The following KIAA1549L variants were observed in gnomAD, a reference collection of about 807,000 sequenced individuals.
KIAA1549L encodes the protein KIAA1549 like, also known as UPF0606 protein KIAA1549L.
In KIAA1549L, 88 loss-of-function variants were observed where a neutral mutation model predicts 160.7. The observed-to-expected ratio is 0.55, with a 90% confidence interval of 0.46 to 0.65. The LOEUF (loss-of-function observed/expected upper bound fraction) is 0.65, where lower values mean the gene tolerates loss of function less well. Ranked by LOEUF, KIAA1549L falls within the 30% of genes least tolerant of loss-of-function variation. The pLI is 0.00. For synonymous variants in KIAA1549L, 950 were observed against 976.7 expected, an observed-to-expected ratio of 0.97 and a Z score of 0.51; for missense variants, 2,258 against 2,437.5, an observed-to-expected ratio of 0.93 and a Z score of 1.55.
chr11:33,467,023 A>G (rs957404293), intron 1 of KIAA1549L, among the ~76,000 whole-genome samples: 1 of 152,158 alleles, frequency 6.6e-6, no homozygotes. Context: ...AATGTAAATG[A>G]TGAGTTGATG....
intron 11 of KIAA1549L, among the ~76,000 whole-genome samples, chr11:33,588,389 T>C (rs10768008): frequency 0.3 from 44,893 of 152,014 alleles, 7,136 homozygotes; most frequent in African/African-American, 0.41. Context: ...TTGAATGCCT[T>C]GCCAAAGCAT....
At chr11:33,639,322 T>G (rs1257264276) in intron 16 of KIAA1549L, among the ~76,000 whole-genome samples, 1 of 152,138 alleles carries the variant, frequency 6.6e-6, no homozygotes, top group Non-Finnish European at 1.5e-5. Flanking sequence ...TCCAGGTGCT[T>G]CCTCTATCCA....
intron 1 of KIAA1549L, among the ~76,000 whole-genome samples, chr11:33,420,044 A>G (rs1850973421): frequency 6.6e-6 from 1 of 152,210 alleles, no homozygotes; most frequent in East Asian, 1.9e-4. Context: ...TTTAGATTAT[A>G]TTGTACACTG....
chr11:33,427,801 T>C (rs2761201), intron 1 of KIAA1549L, among the ~76,000 whole-genome samples: 61,662 of 152,068 alleles, frequency 0.41, 13,207 homozygotes, highest in African/African-American at 0.56. Context: ...TCCCCTGCAG[T>C]GTTTGGCAAC....
chr11:33,377,732 G>A (rs1018375745), intron 1 of KIAA1549L, among the ~76,000 whole-genome samples: 2 of 152,200 alleles, frequency 1.3e-5, no homozygotes, highest in Non-Finnish European at 2.9e-5. Flanking sequence ...TTCAGATAAT[G>A]TGTTCCTGTA....
At chr11:33,606,049 C>T (rs144790476) in intron 13 of KIAA1549L, among the ~76,000 whole-genome samples, 26 of 152,018 alleles carry the variant, frequency 1.7e-4, no homozygotes, top group Admixed American at 8.5e-4. Context: ...GTTTCTCTGG[C>T]GGAATTTTCG....
chr11:33,514,340 G>A (rs903187997), intron 1 of KIAA1549L, among the ~76,000 whole-genome samples: 1 of 152,214 alleles, frequency 6.6e-6, no homozygotes, highest in African/African-American at 2.4e-5. Flanking sequence ...CCCAGAATTT[G>A]TTGGGGGAAC....
At chr11:33,503,197 CT>C (rs1458148107) in intron 1 of KIAA1549L, among the ~76,000 whole-genome samples, 1 of 152,140 alleles carries the variant, frequency 6.6e-6, no homozygotes, top group African/African-American at 2.4e-5. Flanking sequence ...AGTATGTCCT[CT>C]TTTTTGTCTG....
chr11:33,480,589 G>T (rs77058349), intron 1 of KIAA1549L, among the ~76,000 whole-genome samples: 2,831 of 152,200 alleles, frequency 0.019, 79 homozygotes, highest in African/African-American at 0.062. Context: ...ATGGTGATTT[G>T]TATCCCTAAG....
chr11:33,544,121 C>G lies in KIAA1549L; in HGVS notation c.2558C>G (p.Ser853Cys). Residue 853 changes from serine (S) to cysteine (C), a missense_variant, in exon 2 of 21, where the codon TCT becomes TGT. This residue lies in a region of KIAA1549L where 287 missense variants were observed against 292.3 expected (regional missense o/e 0.98). Coordinates refer to ENST00000658780, the MANE Select transcript of KIAA1549L (RefSeq NM_012194.3). The stretch of plus-strand genomic sequence containing the variant: ...TTGCTAACCTCACCAGGACCAACTT[C>G]TACAGGTAGCTTGCAGGAAATGCTT... ...PLLLTSPGPTSTGSLQEMLSD... is the reference protein window; with the variant it reads ...PLLLTSPGPTCTGSLQEMLSD... 6.2e-7 allele frequency: 1 copy of G among 1,614,036 alleles called. No individual in the cohort carries two copies. Among genetic ancestry groups the G allele is most frequent in the Non-Finnish European group, 8.5e-7 (1 of 1,179,888 alleles).
chr11:33,455,836 T>A (rs934165216), intron 1 of KIAA1549L, among the ~76,000 whole-genome samples: 1 of 152,246 alleles, frequency 6.6e-6, no homozygotes, highest in Non-Finnish European at 1.5e-5. Flanking sequence ...AGATATATGT[T>A]GGAAATAGGC....
intron 1 of KIAA1549L, among the ~76,000 whole-genome samples, chr11:33,435,771 T>TAC (rs1227216264): frequency 3.3e-5 from 1 of 29,950 alleles, no homozygotes; most frequent in East Asian, 5.9e-4. Flanking sequence ...TATATATATA[T>TAC]ATATATATAT....
At chr11:33,569,466 C>T (rs1351871525) in intron 9 of KIAA1549L, among the ~76,000 whole-genome samples, 1 of 152,180 alleles carries the variant, frequency 6.6e-6, no homozygotes, top group African/African-American at 2.4e-5. Context: ...TCGGGTGTAA[C>T]TGAACCATAG....
At chr11:33,467,198 A>G (rs1460677392) in intron 1 of KIAA1549L, among the ~76,000 whole-genome samples, 4 of 152,144 alleles carry the variant, frequency 2.6e-5, no homozygotes, top group Admixed American at 2.6e-4. Flanking sequence ...GTAAAGATGT[A>G]TAAGAGTGCT....
intron 16 of KIAA1549L, among the ~76,000 whole-genome samples, chr11:33,630,777 G>C (rs1453331779): frequency 6.6e-6 from 1 of 152,150 alleles, no homozygotes; most frequent in Non-Finnish European, 1.5e-5. Flanking sequence ...GACCGGAGCT[G>C]TTCCTATTTG....
At chr11:33,505,351 A>G (rs1565162129) in intron 1 of KIAA1549L, among the ~76,000 whole-genome samples, 1 of 152,172 alleles carries the variant, frequency 6.6e-6, no homozygotes, top group Admixed American at 6.5e-5. Context: ...GCTTTTAGTC[A>G]ATGATGATTG....
At chr11:33,442,166 A>G (rs1258707345) in intron 1 of KIAA1549L, among the ~76,000 whole-genome samples, 4 of 152,302 alleles carry the variant, frequency 2.6e-5, no homozygotes, top group Admixed American at 6.5e-5. Flanking sequence ...AGCACCATTT[A>G]TTAAATAGGG....
intron 1 of KIAA1549L, among the ~76,000 whole-genome samples, chr11:33,416,850 T>C (rs542331152): frequency 7.9e-5 from 12 of 152,350 alleles, no homozygotes; most frequent in African/African-American, 2.9e-4. Flanking sequence ...TGGTTTTACC[T>C]TCAGCTGGAT....
At chr11:33,621,107 C>T (rs916369272) in intron 16 of KIAA1549L, among the ~76,000 whole-genome samples, 3 of 152,096 alleles carry the variant, frequency 2.0e-5, no homozygotes, top group Admixed American at 6.6e-5. Flanking sequence ...TTTAATTTTA[C>T]GTTTTTTGAA....
Sources: gnomAD v4.1 joint callset for allele counts (sites outside exome capture counted in the v4.1 genomes callset) on GRCh38, gnomAD v4.1.1 for gene constraint, gnomAD v4.1.1 regional missense constraint, MANE v1.5 for transcripts, NCBI Gene and HGNC (gene_info 2026-07-23, HGNC 2026-07-21) for gene names.